The following ASB4 variants were observed in gnomAD, a reference collection of about 807,000 sequenced individuals.
ASB4 encodes ankyrin repeat and SOCS box protein 4.
A neutral mutation model predicts 38.6 loss-of-function variants in ASB4; 35 were observed. That is an observed-to-expected ratio of 0.91 (90% CI 0.69 to 1.20). ASB4 has a LOEUF of 1.20. ASB4 is among the 50% of genes most tolerant of loss of function. The pLI, the probability that ASB4 is intolerant of heterozygous loss-of-function variation, is 0.00. For missense variants in ASB4, 557 were observed against 527.2 expected, an observed-to-expected ratio of 1.06 and a Z score of -0.55; for synonymous variants, 195 against 201.3, an observed-to-expected ratio of 0.97 and a Z score of 0.26.
intron 2 of ASB4, among the ~76,000 whole-genome samples, chr7:95,526,040 G>A (rs1790732032): frequency 6.6e-6 from 1 of 152,130 alleles, no homozygotes; most frequent in African/African-American, 2.4e-5. Context: ...TTTTTTTAAA[G>A]CTAACAAAAT....
chr7:95,525,446 A>C (rs545938294), intron 2 of ASB4, among the ~76,000 whole-genome samples: 173 of 152,342 alleles, frequency 1.1e-3, no homozygotes, highest in Middle Eastern at 0.01. Flanking sequence ...ATTGTACTTT[A>C]TATATTTCCT....
At chr7:95,509,185 G>A (rs779461066) in intron 2 of ASB4, among the ~76,000 whole-genome samples, 1 of 152,134 alleles carries the variant, frequency 6.6e-6, no homozygotes, top group Non-Finnish European at 1.5e-5. Context: ...AATTATATTC[G>A]GGAAGGAGAT....
chr7:95,511,150 G>C (rs1202304478), intron 2 of ASB4, among the ~76,000 whole-genome samples: 1 of 152,136 alleles, frequency 6.6e-6, no homozygotes, highest in Non-Finnish European at 1.5e-5. Context: ...TCAAGCACAT[G>C]CCAGCTTCTT....
At chr7:95,547,690 A>C in the ASB4 span, among the ~76,000 whole-genome samples, 1 of 152,222 alleles carries the variant, frequency 6.6e-6, no homozygotes, top group Admixed American at 6.5e-5. Flanking sequence ...TTTTAGAAGT[A>C]ATAAACATTT....
chr7:95,508,505 G>A (rs940484184), intron 2 of ASB4, among the ~76,000 whole-genome samples: 2 of 152,188 alleles, frequency 1.3e-5, no homozygotes, highest in African/African-American at 4.8e-5. Context: ...AGGAAAGTAA[G>A]TCAAACAGAG....
At chr7:95,503,277 C>T (rs1209820395) in intron 2 of ASB4, among the ~76,000 whole-genome samples, 1 of 152,088 alleles carries the variant, frequency 6.6e-6, no homozygotes, top group Non-Finnish European at 1.5e-5. Flanking sequence ...AAAATTTCAA[C>T]CCATCTTATG....
downstream of ASB4, among the ~76,000 whole-genome samples, chr7:95,541,755 T>C (rs1335377439): frequency 6.6e-6 from 1 of 152,206 alleles, no homozygotes; most frequent in Non-Finnish European, 1.5e-5. Flanking sequence ...CGCAGCTGTT[T>C]CCATCTTCAG....
rs956086347 is a variant in ASB4 at position 95,487,883 on chromosome 7, T to C, written c.187+1725T>C. On this transcript the variant is annotated intron_variant, in intron 1 of 4. Transcript: ENST00000325885. ...GATGCTTGCACAGAACTAGTAAAAT[T>C]TGTGGTCTTACTTTTAGGGTTTATG... Among the ~76,000 whole-genome samples, 9 of 152,280 alleles carry C rather than the reference T, an allele frequency of 5.9e-5. No homozygotes were observed. In the South Asian group the frequency reaches 8.3e-4, roughly 14 times the overall value.
At chr7:95,509,320 C>T (rs898764791) in intron 2 of ASB4, among the ~76,000 whole-genome samples, 3 of 152,020 alleles carry the variant, frequency 2.0e-5, no homozygotes, top group Admixed American at 1.3e-4. Flanking sequence ...AAAAAGAACA[C>T]CCAGCTATAT....
At chr7:95,544,933 C>A (rs555928324), downstream of ASB4, among the ~76,000 whole-genome samples, 2 of 152,246 alleles carry the variant, frequency 1.3e-5, no homozygotes, top group Non-Finnish European at 2.9e-5. Context: ...TGTGATCCAC[C>A]TGTCTCGGCC....
intron 2 of ASB4, among the ~76,000 whole-genome samples, chr7:95,521,781 A>G (rs769642093): frequency 6.7e-5 from 10 of 149,608 alleles, no homozygotes; most frequent in Non-Finnish European, 1.2e-4. Flanking sequence ...TTTTTAAAAC[A>G]CAAAATAATA....
At chr7:95,494,965 A>G (rs900380418) in intron 1 of ASB4, among the ~76,000 whole-genome samples, 6 of 152,356 alleles carry the variant, frequency 3.9e-5, no homozygotes, top group African/African-American at 1.4e-4. Flanking sequence ...ATTATGCAAC[A>G]TATCTTATTT....
At chr7:95,514,851 G>A (rs940051584) in intron 2 of ASB4, among the ~76,000 whole-genome samples, 22 of 152,210 alleles carry the variant, frequency 1.4e-4, no homozygotes, top group African/African-American at 4.8e-4. Context: ...GTGTGAAGGG[G>A]ACTTGGTCTT....
At chr7:95,515,171 TTCTTTCTTTC>T (rs1360484213) in intron 2 of ASB4, among the ~76,000 whole-genome samples, 1 of 44,618 alleles carries the variant, frequency 2.2e-5, no homozygotes, top group East Asian at 4.9e-4. Context: ...CTCTTTCTCT[TTCTTTCTTTC>T]TTTCTTTCTT....
chr7:95,514,274 A>G (rs1250860856), intron 2 of ASB4, among the ~76,000 whole-genome samples: 1 of 152,184 alleles, frequency 6.6e-6, no homozygotes, highest in Non-Finnish European at 1.5e-5. Context: ...ACTTTGCCAC[A>G]GTACAATCCT....
At chr7:95,482,724 G>C (rs2116568709), upstream of ASB4, among the ~76,000 whole-genome samples, 1 of 152,332 alleles carries the variant, frequency 6.6e-6, no homozygotes, top group Non-Finnish European at 1.5e-5. Flanking sequence ...TAGAGAGGCA[G>C]TAAATTGTCC....
intron 1 of ASB4, among the ~76,000 whole-genome samples, chr7:95,490,344 G>A (rs1435981454): frequency 6.6e-6 from 1 of 151,838 alleles, no homozygotes; most frequent in Non-Finnish European, 1.5e-5. Context: ...TCCTTTCTTC[G>A]ATGTTCAAAC....
the ASB4 span, among the ~76,000 whole-genome samples, chr7:95,546,626 C>A: frequency 6.6e-6 from 1 of 152,174 alleles, no homozygotes; most frequent in Non-Finnish European, 1.5e-5. Context: ...CAGAGTTCTT[C>A]TCAGTACAGT....
downstream of ASB4, among the ~76,000 whole-genome samples, chr7:95,540,939 A>G (rs766344087): frequency 4.3e-4 from 66 of 152,336 alleles, no homozygotes; most frequent in Non-Finnish European, 6.6e-4. Flanking sequence ...TTACGTTTTT[A>G]TTACTCATCT....
Sources: allele counts gnomAD v4.1 joint callset (sites outside exome capture counted in the v4.1 genomes callset), GRCh38; gene constraint gnomAD v4.1.1; transcripts MANE v1.5; gene names NCBI Gene and HGNC (gene_info 2026-07-23, HGNC 2026-07-21).